ADGRA3: variants seen among roughly 807,000 people sequenced by gnomAD.
ADGRA3 encodes the protein G-protein coupled receptor 125.
In ADGRA3, 56 loss-of-function variants were observed where a neutral mutation model predicts 119.8. The observed-to-expected ratio is 0.47, with a 90% CI of 0.38 to 0.58. The LOEUF is 0.58. ADGRA3 is among the 20% of genes least tolerant of loss of function. The probability of loss-of-function intolerance (pLI) is 0.00; values close to 1 mark genes in which losing one functional copy is unlikely to be tolerated. For missense variants in ADGRA3, 1,516 were observed against 1,649.0 expected (o/e 0.92, Z 1.40); for synonymous variants, 607 against 623.8 (o/e 0.97, Z 0.40).
chr4:22,453,622 C>T (rs918265717), intron 4 of ADGRA3, among the ~76,000 whole-genome samples: 1 of 152,208 alleles, frequency 6.6e-6, no homozygotes, highest in African/African-American at 2.4e-5. Context: ...CAACCCTTAA[C>T]ACTGACCTTC....
intron 1 of ADGRA3, among the ~76,000 whole-genome samples, chr4:22,494,073 C>T (rs918833271): frequency 5.9e-5 from 9 of 151,854 alleles, no homozygotes; most frequent in South Asian, 2.1e-4. Flanking sequence ...GGCGTGGAGG[C>T]GGGTGCCTGT....
At chr4:22,511,208 T>C (rs1444237442) in intron 1 of ADGRA3, among the ~76,000 whole-genome samples, 1 of 152,202 alleles carries the variant, frequency 6.6e-6, no homozygotes. Flanking sequence ...TTTCCATCAA[T>C]GAAATCCTCA....
chr4:22,423,603 G>A (rs1715805782), intron 11 of ADGRA3, among the ~76,000 whole-genome samples: 1 of 152,200 alleles, frequency 6.6e-6, no homozygotes, highest in Non-Finnish European at 1.5e-5. Context: ...TTAATACTAT[G>A]TAATTGAGTG....
At position 22,388,867 on chromosome 4, in the gene ADGRA3, A is replaced by C; in HGVS notation, c.2804T>G (p.Phe935Cys). ...TTTCAACTGAATAAATATGCTCAGA[A>C]AGTACATGCAGTTTACAAAAGTGAT... ...SFITFVNCMYFLSIFIQLKRH... is the reference protein window; with the variant it reads ...SFITFVNCMYCLSIFIQLKRH... The change falls in exon 19 of 19, where the codon TTT becomes TGT. Residue 935 changes from phenylalanine to cysteine, a missense_variant. Around this residue, in one of 2 missense-constraint regions of ADGRA3, gnomAD observed 1,088 missense variants for 1,107.1 expected, o/e 0.98. Coordinates refer to ENST00000334304, the MANE Select transcript of ADGRA3 (RefSeq NM_145290.4). The C allele has an allele frequency of 6.2e-7, 1 of 1,614,084 alleles. No individual in the cohort carries two copies. The highest frequency in any genetic ancestry group is 8.5e-7 in the Non-Finnish European group (1 of 1,179,986).
chr4:22,403,369 A>T (rs1412516722), intron 14 of ADGRA3, among the ~76,000 whole-genome samples: 1 of 152,020 alleles, frequency 6.6e-6, no homozygotes, highest in African/African-American at 2.4e-5. Flanking sequence ...GTACAATCAG[A>T]TCATAACAAT....
chr4:22,447,502 C>T lies in ADGRA3; in HGVS notation c.483G>A (p.Ser161=), dbSNP rs756132469. ...GLTNLVRLNL[S]GNLFSSLSQG... ...GAGATAATGAAGAAAACAAATTCCC[C>T]GAAAGGTTTCTGAAAGACAGAAAAC... The change falls in exon 5 of 19, where the codon TCG becomes TCA. Residue 161 remains serine (S), a synonymous_variant. Transcript: ENST00000334304. The T allele has an allele frequency of 8.3e-6, 13 of 1,564,494 alleles. No homozygotes were observed. The highest frequency in any genetic ancestry group is 4.9e-5 in the South Asian group (4 of 81,236).
chr4:22,452,733 T>C (rs1717093626), intron 4 of ADGRA3, among the ~76,000 whole-genome samples: 1 of 152,188 alleles, frequency 6.6e-6, no homozygotes, highest in Non-Finnish European at 1.5e-5. Flanking sequence ...CATTTGCTGA[T>C]GTGTCAAATC....
At chr4:22,437,236 T>C (rs1716431934) in intron 8 of ADGRA3, among the ~76,000 whole-genome samples, 1 of 152,140 alleles carries the variant, frequency 6.6e-6, no homozygotes, top group Admixed American at 6.5e-5. Flanking sequence ...AAAAGACTTA[T>C]CCATTGGCAA....
chr4:22,445,444 C>A (rs534890255), intron 5 of ADGRA3, among the ~76,000 whole-genome samples: 2 of 152,250 alleles, frequency 1.3e-5, no homozygotes, highest in Admixed American at 1.3e-4. Context: ...AATACCAAAT[C>A]CCATTCCTTT....
At chr4:22,389,035 T>C (rs1713991253) in intron 18 of ADGRA3, 53 bp downstream of exon 18, 4 of 1,598,634 alleles carry the variant, frequency 2.5e-6, no homozygotes, top group African/African-American at 1.3e-5. Flanking sequence ...GCCTAGAAAA[T>C]ACTTAAAAGA....
At chr4:22,420,755 T>A (rs531640515) in intron 12 of ADGRA3, 131 bp downstream of exon 12, 13 of 852,318 alleles carry the variant, frequency 1.5e-5, no homozygotes, top group Non-Finnish European at 1.7e-5. Context: ...TTTAAAACAG[T>A]AGCAAAAGCA....
intron 1 of ADGRA3, among the ~76,000 whole-genome samples, chr4:22,500,779 T>A (rs536103898): frequency 6.6e-6 from 1 of 152,300 alleles, no homozygotes; most frequent in Non-Finnish European, 1.5e-5. Context: ...GATTAGCACT[T>A]AAATTGATAA....
intron 16 of ADGRA3, among the ~76,000 whole-genome samples, chr4:22,400,970 TA>T (rs1453171461): frequency 6.6e-6 from 1 of 152,204 alleles, no homozygotes; most frequent in Admixed American, 6.5e-5. Context: ...TGTAATAATT[TA>T]TTGGAAACAA....
intron 12 of ADGRA3, among the ~76,000 whole-genome samples, chr4:22,417,958 G>C (rs983351335): frequency 1.3e-5 from 2 of 152,156 alleles, no homozygotes; most frequent in African/African-American, 4.8e-5. Context: ...CTAAATTCTA[G>C]TCAGGTGAAG....
chr4:22,415,913 T>C (rs1478653065), intron 12 of ADGRA3, among the ~76,000 whole-genome samples: 1 of 152,170 alleles, frequency 6.6e-6, no homozygotes, highest in East Asian at 1.9e-4. Flanking sequence ...TCATGGCTGT[T>C]ACATATTTAA....
chr4:22,495,103 T>C (rs1252776431), intron 1 of ADGRA3, among the ~76,000 whole-genome samples: 2 of 152,070 alleles, frequency 1.3e-5, no homozygotes, highest in Non-Finnish European at 2.9e-5. Flanking sequence ...TATCCTATTG[T>C]ACTCTCTTCA....
intron 4 of ADGRA3, among the ~76,000 whole-genome samples, chr4:22,447,948 C>T (rs1716888575): frequency 1.3e-5 from 2 of 152,116 alleles, no homozygotes; most frequent in Admixed American, 6.5e-5. Context: ...GCAGCAGTAG[C>T]ATACTAAACA....
chr4:22,502,977 G>A (rs946134667), intron 1 of ADGRA3, among the ~76,000 whole-genome samples: 2 of 151,746 alleles, frequency 1.3e-5, no homozygotes, highest in African/African-American at 4.8e-5. Context: ...TAGACTCTAG[G>A]GATGCAGAGA....
intron 7 of ADGRA3, among the ~76,000 whole-genome samples, chr4:22,439,017 A>G (rs1024740278): frequency 1.3e-5 from 2 of 152,148 alleles, no homozygotes; most frequent in African/African-American, 4.8e-5. Flanking sequence ...ACAAAAAAAG[A>G]ACAGGAATGG....
Sources: gnomAD v4.1 joint callset for allele counts (sites outside exome capture counted in the v4.1 genomes callset) on GRCh38, gnomAD v4.1.1 for gene constraint, gnomAD v4.1.1 regional missense constraint, MANE v1.5 for transcripts, NCBI Gene and HGNC (gene_info 2026-07-23, HGNC 2026-07-21) for gene names.